DERPC: variants seen among roughly 807,000 people sequenced by gnomAD.
The protein encoded by DERPC is decreased expression in renal and prostate cancer protein.
A neutral mutation model predicts 7.2 loss-of-function variants in DERPC; 1 was observed. The ratio of observed to expected loss-of-function variants is 0.14; its 90% CI spans 0.05 to 0.66. The LOEUF (loss-of-function observed/expected upper bound fraction) is 0.66. Ranked by LOEUF, DERPC falls within the 30% of genes least tolerant of loss-of-function variation. The probability of loss-of-function intolerance (pLI) is 0.84; values close to 1 mark genes in which losing one functional copy is unlikely to be tolerated. For missense variants in DERPC, 502 were observed against 299.4 expected, an observed-to-expected ratio of 1.68 and a Z score of -4.99; for synonymous variants, 185 against 117.6, an observed-to-expected ratio of 1.57 and a Z score of -3.71.
rs774246582 is a variant in DERPC, at chr16:69,119,054, T to A, written c.1375A>T (p.Ile459Phe). Reference protein sequence around the residue: ...LGPSPAGPVGINPAPFTRPTG... With the variant: ...LGPSPAGPVGFNPAPFTRPTG... ...GGCCTTGTGAAAGGAGCTGGGTTGA[T>A]ACCCACAGGGCCAGCTGGAGAAGGG... The change falls in exon 3 of 3, where the codon ATC becomes TTC. Residue 459 changes from isoleucine to phenylalanine, a missense_variant. By Grantham distance (21) the Ile-to-Phe change is conservative. Transcript: ENST00000519520. 5.3e-5 allele frequency: 37 copies of A among 702,890 alleles called. No homozygotes were observed. The highest frequency in any genetic ancestry group is 5.2e-6 in the Non-Finnish European group (2 of 385,014). 43.5% of individuals were successfully genotyped at this position (702,890 alleles called of 1,614,324 possible).
intron 1 of DERPC, among the ~76,000 whole-genome samples, chr16:69,122,693 C>T (rs2152268131): frequency 6.6e-6 from 1 of 152,130 alleles, no homozygotes; most frequent in South Asian, 2.1e-4. Context: ...GGCACACAAC[C>T]ACCATGCCTG....
chr16:69,123,369 C>A (rs1226835913), intron 1 of DERPC, among the ~76,000 whole-genome samples: 1 of 152,096 alleles, frequency 6.6e-6, no homozygotes, highest in Non-Finnish European at 1.5e-5. Flanking sequence ...AAAAATAAAG[C>A]CAAGGGGGCC....
At chr16:69,124,064 A>C (rs540784103) in intron 1 of DERPC, among the ~76,000 whole-genome samples, 70 of 152,004 alleles carry the variant, frequency 4.6e-4, no homozygotes, top group Non-Finnish European at 8.5e-4. Flanking sequence ...AGATCACACC[A>C]CTGCACTCCA....
In DERPC at chr16:69,120,396, C is replaced by A; in HGVS notation, c.33G>T (p.Arg11=). The part of the protein sequence containing the change: MKEPRIFPRE[R]PTPWTRAPLP... The stretch of plus-strand genomic sequence containing the variant: ...GCGGAGCACGAGTCCAAGGAGTTGG[C>A]CGCTCTCTAGGGAAAATCCGAGGTT... Residue 11 remains arginine (R), a synonymous_variant, in exon 3 of 3, where the codon CGG becomes CGT. Transcript: ENST00000519520. The surrounding 1 kb of genome is among the most constrained non-coding windows in gnomAD (Gnocchi z 4.0). 2 of 1,609,386 alleles carry A rather than the reference C, an allele frequency of 1.2e-6. No individual in the cohort carries two copies. Among genetic ancestry groups the A allele is most frequent in the Non-Finnish European group, 1.7e-6 (2 of 1,175,754 alleles).
rs992900381 is a variant in DERPC at position 69,119,427 on chromosome 16, C to G, written c.1002G>C (p.Met334Ile). ...IGLPGPNPSPMSRAPGPIGPN... is the reference protein window; with the variant it reads ...IGLPGPNPSPISRAPGPIGPN... ...GGCCTATGGGGCCAGGAGCCCTTGACATGGGAGATGGATTTGGCCCTGGAA... is the reference window on the plus strand; with the variant it reads ...GGCCTATGGGGCCAGGAGCCCTTGAGATGGGAGATGGATTTGGCCCTGGAA... Residue 334 changes from methionine to isoleucine, a missense_variant, in exon 3 of 3, where the codon ATG (methionine) becomes ATC (isoleucine). By Grantham distance (10) the Met-to-Ile change is conservative. Transcript: ENST00000519520. 1.4e-6 allele frequency: 1 copy of G among 702,782 alleles called. No individual in the cohort carries two copies. Among genetic ancestry groups the G allele is most frequent in the Non-Finnish European group, 2.6e-6 (1 of 384,968 alleles). The allele number at this position is 702,782 out of a possible 1,614,324, so 43.5% of individuals were successfully genotyped here. A position where few individuals can be genotyped will look rare whatever the true frequency, so the allele number is the denominator to read the frequency against.
intron 1 of DERPC, among the ~76,000 whole-genome samples, chr16:69,127,601 CTTTTTTTTTT>C (rs71383961): frequency 9.6e-6 from 1 of 104,392 alleles, no homozygotes; most frequent in African/African-American, 3.8e-5. Flanking sequence ...CTCCCGGCAA[CTTTTTTTTTT>C]TTTTTTTTTT....
rs865884606 is a variant in DERPC, at chr16:69,120,040, T to C, written c.389A>G (p.Asn130Ser). 1.2e-5 allele frequency: 8 copies of C among 687,108 alleles called. No individual in the cohort carries two copies. Among genetic ancestry groups the C allele is most frequent in the Non-Finnish European group, 2.1e-5 (8 of 378,424 alleles). 42.6% of individuals were successfully genotyped at this position (687,108 alleles called of 1,614,324 possible). Residue 130 changes from asparagine (N) to serine (S), a missense_variant, in exon 3 of 3, where the codon AAC becomes AGC. Transcript: ENST00000519520. The surrounding 1 kb of genome is among the most constrained non-coding windows in gnomAD (Gnocchi z 4.0). ...GCCTGGCAGAGCCCCTGTCCTAGGGTTTAGGGTGGGGCCTGGGCCTGGGCC... is the reference window on the plus strand; with the variant it reads ...GCCTGGCAGAGCCCCTGTCCTAGGGCTTAGGGTGGGGCCTGGGCCTGGGCC... ...GPGPGPGPTL[N>S]PRTGALPGPG...
In DERPC at chr16:69,118,587, T is replaced by C. The variant is rs1961352221; in HGVS notation, c.*267A>G. On this transcript the variant is annotated 3_prime_UTR_variant, in exon 3 of 3. Transcript: ENST00000519520. Reference sequence around the variant, plus strand: ...GTAAGAAACAATGGGCAGAAAGCTGTGGGACGAAAGCACAGCAGGCTTCTG... The same window carrying C: ...GTAAGAAACAATGGGCAGAAAGCTGCGGGACGAAAGCACAGCAGGCTTCTG... 1.4e-6 allele frequency: 1 copy of C among 733,886 alleles called. No homozygotes were observed. Among genetic ancestry groups the C allele is most frequent in the Middle Eastern group, 3.1e-4 (1 of 3,202 alleles). The allele number at this position is 733,886 out of a possible 1,614,324, so 45.5% of individuals were successfully genotyped here.
intron 1 of DERPC, among the ~76,000 whole-genome samples, chr16:69,130,520 C>T (rs1962421545): frequency 6.6e-6 from 1 of 152,186 alleles, no homozygotes; most frequent in African/African-American, 2.4e-5. Flanking sequence ...ACTCACTTGT[C>T]ATACAGACCT....
intron 1 of DERPC, among the ~76,000 whole-genome samples, chr16:69,122,860 G>C (rs1961781060): frequency 6.6e-6 from 1 of 151,764 alleles, no homozygotes; most frequent in Non-Finnish European, 1.5e-5. Flanking sequence ...GTTATTTTTA[G>C]TAGAGATGGG....
intron 1 of DERPC, among the ~76,000 whole-genome samples, chr16:69,129,301 G>C (rs1962317119): frequency 6.6e-6 from 1 of 150,562 alleles, no homozygotes; most frequent in African/African-American, 2.4e-5. Context: ...GTGGTGGCAG[G>C]TGCCTGTAGT....
At chr16:69,128,409 C>T (rs913987009) in intron 1 of DERPC, among the ~76,000 whole-genome samples, 3 of 152,144 alleles carry the variant, frequency 2.0e-5, no homozygotes, top group Non-Finnish European at 2.9e-5. Context: ...TCATGTGTAG[C>T]CTTGGAAAGA....
intron 1 of DERPC, among the ~76,000 whole-genome samples, chr16:69,127,829 C>T (rs981098756): frequency 3.3e-5 from 5 of 151,872 alleles, no homozygotes; most frequent in African/African-American, 9.7e-5. Flanking sequence ...AGGCTAGTCT[C>T]GAACTCCTGA....
At chr16:69,124,428 T>C (rs1337446594) in intron 1 of DERPC, among the ~76,000 whole-genome samples, 1 of 152,200 alleles carries the variant, frequency 6.6e-6, no homozygotes, top group Non-Finnish European at 1.5e-5. Flanking sequence ...AACAGATTTT[T>C]TTTTTGTTTT....
Position 69,119,995 on chromosome 16 carries a change from G to C in DERPC, c.434C>G (p.Pro145Arg), listed in dbSNP as rs953378157. Reference protein sequence around the residue: ...ALPGPGPLSNPRLGGLPGPGP... With the variant: ...ALPGPGPLSNRRLGGLPGPGP... ...TGGTCCTGGGAGACCCCCTAACCTG[G>C]GGTTAGACAGAGGCCCTGGGCCTGG... The change falls in exon 3 of 3, where the codon CCC (proline) becomes CGC (arginine). Residue 145 changes from proline (P) to arginine (R), a missense_variant. Coordinates refer to ENST00000519520, the MANE Select transcript of DERPC (RefSeq NM_001002847.4). 8 of 695,204 alleles carry C rather than the reference G, an allele frequency of 1.2e-5. No homozygotes were observed. The Admixed American group carries it at 1.4e-4, about 12-fold the overall frequency. The allele number at this position is 695,204 out of a possible 1,614,324, so 43.1% of individuals were successfully genotyped here.
chr16:69,131,899 C>G (rs1015553691), intron 1 of DERPC, among the ~76,000 whole-genome samples: 16 of 151,928 alleles, frequency 1.1e-4, no homozygotes, highest in Non-Finnish European at 2.2e-4. Flanking sequence ...CCAATTACCT[C>G]TCCCAGAAGC....
At chr16:69,125,450 C>CT (rs1376888556) in intron 1 of DERPC, among the ~76,000 whole-genome samples, 1 of 151,264 alleles carries the variant, frequency 6.6e-6, no homozygotes, top group African/African-American at 2.4e-5. Context: ...GGCCATCTGA[C>CT]TATCTACACT....
chr16:69,129,240 A>C (rs7197515), intron 1 of DERPC, among the ~76,000 whole-genome samples: 42,942 of 151,612 alleles, frequency 0.28, 6,864 homozygotes, highest in African/African-American at 0.43. Context: ...ATCATCCTGG[A>C]TAACACAGTG....
At chr16:69,129,408 C>T (rs1388163967) in intron 1 of DERPC, among the ~76,000 whole-genome samples, 2 of 110,776 alleles carry the variant, frequency 1.8e-5, no homozygotes, top group Non-Finnish European at 3.3e-5. Context: ...CCAGCCTAGG[C>T]AACAGAGCGA....
Sources: gnomAD v4.1 joint callset for allele counts (sites outside exome capture counted in the v4.1 genomes callset) on GRCh38, gnomAD v4.1.1 for gene constraint, Gnocchi (gnomAD v3.1) non-coding constraint, MANE v1.5 for transcripts, NCBI Gene and HGNC (gene_info 2026-07-23, HGNC 2026-07-21) for gene names.